FHIT: variants seen among roughly 807,000 people sequenced by gnomAD.
FHIT encodes bis(5'-adenosyl)-triphosphatase.
Under a neutral mutation model 17.9 loss-of-function variants are expected in FHIT, and 19 were observed. The ratio of observed to expected loss-of-function variants is 1.06; its 90% confidence interval spans 0.74 to 1.56. The LOEUF (loss-of-function observed/expected upper bound fraction) is 1.56, where lower values mean the gene tolerates loss of function less well. Ranked by LOEUF, FHIT falls within the 40% of genes most tolerant of loss-of-function variation. FHIT has a pLI of 0.00. For missense variants in FHIT, 248 were observed against 189.2 expected, an observed-to-expected ratio of 1.31 and a Z score of -1.82; for synonymous variants, 81 against 69.7, an observed-to-expected ratio of 1.16 and a Z score of -0.81.
intron 5 of FHIT, among the ~76,000 whole-genome samples, chr3:60,261,539 CAAT>C (rs1367985669): frequency 1.1e-4 from 16 of 151,914 alleles, no homozygotes; most frequent in African/African-American, 3.9e-4. Context: ...AGTCAAGAAA[CAAT>C]AAACTTCAAG....
At chr3:60,071,639 G>C (rs531041315) in intron 5 of FHIT, among the ~76,000 whole-genome samples, 1 of 152,150 alleles carries the variant, frequency 6.6e-6, no homozygotes, top group South Asian at 2.1e-4. Flanking sequence ...AGCAAAGTTA[G>C]CCAAAATGCT....
At chr3:61,117,424 G>C (rs1335574711) in intron 2 of FHIT, among the ~76,000 whole-genome samples, 1 of 152,090 alleles carries the variant, frequency 6.6e-6, no homozygotes, top group Non-Finnish European at 1.5e-5. Flanking sequence ...ATGAGATACG[G>C]TGCCAGAAAT....
chr3:60,152,221 G>A (rs1700497298), intron 5 of FHIT, among the ~76,000 whole-genome samples: 1 of 152,116 alleles, frequency 6.6e-6, no homozygotes, highest in Non-Finnish European at 1.5e-5. Context: ...TTGCCTGCAA[G>A]GTAATCTTAC....
intron 2 of FHIT, among the ~76,000 whole-genome samples, chr3:61,161,487 C>G (rs2037693604): frequency 6.6e-6 from 1 of 152,220 alleles, no homozygotes; most frequent in South Asian, 2.1e-4. Flanking sequence ...CAGGCATGAG[C>G]CACTGCACCC....
At chr3:59,989,584 T>G (rs1431718779) in intron 7 of FHIT, among the ~76,000 whole-genome samples, 2 of 152,036 alleles carry the variant, frequency 1.3e-5, no homozygotes, top group Non-Finnish European at 2.9e-5. Context: ...TAAAGAACGT[T>G]CTATTTTGCA....
At chr3:59,880,455 G>C (rs1374102639) in intron 8 of FHIT, among the ~76,000 whole-genome samples, 3 of 152,050 alleles carry the variant, frequency 2.0e-5, no homozygotes, top group African/African-American at 7.2e-5. Flanking sequence ...TAATTTCCAG[G>C]CTTCTAGCAC....
At chr3:60,638,460 A>G (rs1577011910) in intron 4 of FHIT, among the ~76,000 whole-genome samples, 1 of 152,196 alleles carries the variant, frequency 6.6e-6, no homozygotes, top group African/African-American at 2.4e-5. Context: ...ATGTGGGATA[A>G]TAGTACATTA....
intron 5 of FHIT, among the ~76,000 whole-genome samples, chr3:60,077,723 C>T (rs571560636): frequency 0.024 from 2,332 of 96,974 alleles, 42 homozygotes; most frequent in African/African-American, 0.031. Context: ...CACACACACA[C>T]ACACACATAT....
intron 4 of FHIT, among the ~76,000 whole-genome samples, chr3:60,734,514 C>A (rs1264610887): frequency 6.6e-6 from 1 of 152,132 alleles, no homozygotes; most frequent in Admixed American, 6.5e-5. Context: ...AAGGTCCTCC[C>A]ACCTCAGCCC....
At chr3:60,855,735 G>T (rs1057512684) in intron 3 of FHIT, among the ~76,000 whole-genome samples, 3 of 152,032 alleles carry the variant, frequency 2.0e-5, no homozygotes, top group Non-Finnish European at 4.4e-5. Context: ...ATTCATTGTC[G>T]TATCCCTGTG....
chr3:60,141,384 TA>T (rs34364126), intron 5 of FHIT, among the ~76,000 whole-genome samples: 11,488 of 127,944 alleles, frequency 0.09, 428 homozygotes, highest in African/African-American at 0.12. Context: ...TGATGCCCAT[TA>T]AAAAAAAAAA....
At chr3:61,048,040 A>C (rs1163714635) in intron 2 of FHIT, among the ~76,000 whole-genome samples, 3 of 151,280 alleles carry the variant, frequency 2.0e-5, no homozygotes, top group Non-Finnish European at 4.4e-5. Context: ...AAACCTAGGC[A>C]ATACCATTCA....
At chr3:61,115,946 C>G (rs1345297684) in intron 2 of FHIT, among the ~76,000 whole-genome samples, 4 of 152,198 alleles carry the variant, frequency 2.6e-5, no homozygotes, top group Non-Finnish European at 5.9e-5. Context: ...AACCAACTTG[C>G]AGTCACCTTA....
At chr3:60,138,095 G>C (rs183059450) in intron 5 of FHIT, among the ~76,000 whole-genome samples, 2 of 152,178 alleles carry the variant, frequency 1.3e-5, no homozygotes, top group African/African-American at 4.8e-5. Context: ...CAATCTTAGT[G>C]GCTCCAATCG....
intron 5 of FHIT, among the ~76,000 whole-genome samples, chr3:60,018,033 G>A (rs1404072010): frequency 6.6e-6 from 1 of 152,166 alleles, no homozygotes; most frequent in Non-Finnish European, 1.5e-5. Flanking sequence ...AAGCTGGGTC[G>A]TTTACAAAGA....
chr3:60,608,229 G>A (rs2038671066), intron 4 of FHIT, among the ~76,000 whole-genome samples: 1 of 151,864 alleles, frequency 6.6e-6, no homozygotes. Flanking sequence ...ATTTCTAGTG[G>A]CCACCAGCTC....
chr3:60,856,220 G>A lies in FHIT; in HGVS notation c.-110-34209C>T, dbSNP rs1553749946. Among the ~76,000 whole-genome samples, 3 of 152,036 alleles carry A rather than the reference G, an allele frequency of 2.0e-5. 1 individual carries two copies. The highest frequency in any genetic ancestry group is 4.8e-5 in the African/African-American group (2 of 41,374). On this transcript the variant is annotated intron_variant, in intron 3 of 9. Transcript: ENST00000492590. Reference sequence around the variant, plus strand: ...GCTAGACAGAGGTGGGGTGAGCCCTGACATACGTCTTCAAAATTGCAAAAG... The same window carrying A: ...GCTAGACAGAGGTGGGGTGAGCCCTAACATACGTCTTCAAAATTGCAAAAG...
At chr3:60,916,096 T>C (rs1263333811) in intron 3 of FHIT, among the ~76,000 whole-genome samples, 1 of 152,174 alleles carries the variant, frequency 6.6e-6, no homozygotes, top group Non-Finnish European at 1.5e-5. Context: ...TTTGTGATGG[T>C]CTAATTTTAT....
intron 3 of FHIT, among the ~76,000 whole-genome samples, chr3:60,877,605 T>C (rs1222685146): frequency 6.6e-6 from 1 of 152,172 alleles, no homozygotes; most frequent in Admixed American, 6.6e-5. Context: ...AGAACAGTCA[T>C]GCCTGAGTTA....
Sources: allele counts gnomAD v4.1 joint callset (sites outside exome capture counted in the v4.1 genomes callset), GRCh38; gene constraint gnomAD v4.1.1; transcripts MANE v1.5; gene names NCBI Gene and HGNC (gene_info 2026-07-23, HGNC 2026-07-21).